CSAG1: variants seen among roughly 807,000 people sequenced by gnomAD.
CSAG1 encodes chondrosarcoma associated gene 1, also known as chondrosarcoma-associated gene 1 protein.
In CSAG1, 4 loss-of-function variants were observed where a neutral mutation model predicts 4.8. That is an observed-to-expected ratio of 0.83 (90% confidence interval 0.41 to 1.90). The LOEUF (loss-of-function observed/expected upper bound fraction) is 1.90. Among genes scored for constraint, CSAG1 ranks in the 40% most tolerant of loss-of-function variants. CSAG1 has a pLI of 0.03. For synonymous variants in CSAG1, 21 were observed against 23.1 expected (o/e 0.91, Z 0.26); for missense variants, 69 against 59.5 (o/e 1.16, Z -0.53).
chrX:152,729,238 C>A (rs1210573008), intron 2 of CSAG1, among the ~76,000 whole-genome samples: 2 of 111,449 alleles, frequency 1.8e-5, no homozygotes, highest in Non-Finnish European at 3.8e-5. Flanking sequence ...CATCATAGGT[C>A]TAATGAAAAA....
Position 152,727,820 on chromosome X carries a change from C to A in CSAG1, c.211G>T (p.Val71Phe), listed in dbSNP as rs2124962377. Residue 71 changes from valine (V) to phenylalanine (F), a missense_variant, in exon 4 of 4, where the codon GTT (valine) becomes TTT (phenylalanine). Coordinates refer to ENST00000452779, the MANE Select transcript of CSAG1 (RefSeq NM_001102576.3). ...TAGGGAGAGCCTTTTGTTCCTGGAA[C>A]TTCCTTGACGGGTCCCTTTTCCCTT... ...PRREKGPVKE[V>F]PGTKGSP 1.7e-6 allele frequency: 2 copies of A among 1,211,319 alleles called. No homozygotes were observed. Among genetic ancestry groups the A allele is most frequent in the South Asian group, 3.5e-5 (2 of 56,935 alleles).
chrX:152,730,654 C>A (rs2019454891), intron 2 of CSAG1, among the ~76,000 whole-genome samples: 1 of 111,408 alleles, frequency 9.0e-6, no homozygotes, highest in African/African-American at 3.3e-5. Flanking sequence ...TGTTTATAAG[C>A]CACCTAGTCT....
intron 2 of CSAG1, 35 bp from the exon 3 acceptor site, chrX:152,728,259 G>C (rs1932067457): frequency 8.5e-7 from 1 of 1,181,359 alleles, no homozygotes; most frequent in African/African-American, 1.8e-5. Context: ...TGTTAGTCTT[G>C]TGGTAGAATT....
At chrX:152,729,885 T>G (rs1224436955) in intron 2 of CSAG1, among the ~76,000 whole-genome samples, 1 of 108,865 alleles carries the variant, frequency 9.2e-6, no homozygotes, top group Non-Finnish European at 1.9e-5. Flanking sequence ...CCAATTGATT[T>G]GAAAACTTAT....
intron 1 of CSAG1, 79 bp from the exon 2 acceptor site, chrX:152,732,583 C>T (rs1419097705): frequency 2.7e-6 from 3 of 1,109,491 alleles, no homozygotes; most frequent in Non-Finnish European, 3.7e-6. Flanking sequence ...CAGGGCCAGT[C>T]CAGGGTGAGA....
chrX:152,728,821 A>C (rs1393073342), intron 2 of CSAG1, among the ~76,000 whole-genome samples: 2 of 110,935 alleles, frequency 1.8e-5, no homozygotes, highest in African/African-American at 6.6e-5. Flanking sequence ...CGCGAGAGAG[A>C]CAGCGAGCTC....
At position 152,728,238 on chromosome X, in the gene CSAG1, C is replaced by T. The variant is rs1556830842; in HGVS notation, c.17-14G>A. ...CAGGCCAGCAGGCTAGAAACTCACA[C>T]GACATTATTATGTTAGTCTTGTGGT... is the stretch of plus-strand genomic sequence containing the variant. On this transcript the variant is annotated splice_polypyrimidine_tract_variant and intron_variant, in intron 2 of 3. Coordinates refer to ENST00000452779, the MANE Select transcript of CSAG1 (RefSeq NM_001102576.3). 1.2e-5 allele frequency: 14 copies of T among 1,196,648 alleles called. No individual in the cohort carries two copies. The highest frequency in any genetic ancestry group is 5.3e-5 in the South Asian group (3 of 56,558).
Position 152,728,054 on chromosome X carries a change from G to A in CSAG1, c.167+20C>T. On this transcript the variant is annotated intron_variant, in intron 3 of 3. Coordinates refer to ENST00000452779, the MANE Select transcript of CSAG1 (RefSeq NM_001102576.3). ...AGGGCTTCTGGGCCAGGGATGAGAG[G>A]ATGCTTTCCCCTTCCTCGCCTCTTT... The A allele has an allele frequency of 8.3e-7, 1 of 1,211,234 alleles. No homozygotes were observed. The highest frequency in any genetic ancestry group is 1.1e-6 in the Non-Finnish European group (1 of 895,326).
intron 2 of CSAG1, among the ~76,000 whole-genome samples, chrX:152,729,484 T>C (rs1932106126): frequency 2.7e-5 from 3 of 112,210 alleles, no homozygotes; most frequent in Non-Finnish European, 3.8e-5. Context: ...ATAAAGAACT[T>C]GTCTCTACAA....
intron 2 of CSAG1, among the ~76,000 whole-genome samples, chrX:152,731,192 G>A (rs190146027): frequency 9.0e-6 from 1 of 111,423 alleles, no homozygotes; most frequent in African/African-American, 3.3e-5. Flanking sequence ...GTTCATGCTC[G>A]GTATCAAGTA....
intron 1 of CSAG1, 138 bp downstream of exon 1, chrX:152,733,530 C>G (rs1212379299): frequency 9.1e-6 from 1 of 110,392 alleles, no homozygotes; most frequent in African/African-American, 3.3e-5. Context: ...CAGGCTCAGC[C>G]TGGCATCCAA....
chrX:152,727,965 G>T, intron 3 of CSAG1, 102 bp from the exon 4 acceptor site: 1 of 1,199,802 alleles, frequency 8.3e-7, no homozygotes, highest in Non-Finnish European at 1.1e-6. Context: ...ACAGGCTGGG[G>T]TGGGGGTTGT....
intron 1 of CSAG1, 84 bp downstream of exon 1, chrX:152,733,583 AC>A (rs1411573777): frequency 3.0e-5 from 2 of 67,496 alleles, no homozygotes; most frequent in Non-Finnish European, 5.6e-5. Context: ...CCCACCCCCA[AC>A]TCCCCCAACC....
chrX:152,730,011 C>CATATATATATATATATACAT (rs60344977), intron 2 of CSAG1, among the ~76,000 whole-genome samples: 22 of 77,890 alleles, frequency 2.8e-4, no homozygotes, highest in African/African-American at 1.1e-3. Flanking sequence ...TATATATATA[C>CATATATATATATATATACAT]ACACATACAC....
chrX:152,729,027 G>A (rs1486229574), intron 2 of CSAG1, among the ~76,000 whole-genome samples: 1 of 109,794 alleles, frequency 9.1e-6, no homozygotes, highest in Non-Finnish European at 1.9e-5. Context: ...CATTAGCAAA[G>A]AATAGACACA....
chrX:152,733,317 A>G, intron 1 of CSAG1: 1 of 111,974 alleles, frequency 8.9e-6, no homozygotes, highest in African/African-American at 3.2e-5. Flanking sequence ...GAGGAAGAGG[A>G]CCCTCTTGAG....
At chrX:152,731,564 C>G (rs1932155626) in intron 2 of CSAG1, among the ~76,000 whole-genome samples, 1 of 111,406 alleles carries the variant, frequency 9.0e-6, no homozygotes, top group Non-Finnish European at 1.9e-5. Flanking sequence ...CAGACTAGCC[C>G]TCCTGGATTC....
Position 152,728,203 on chromosome X carries a change from A to G in CSAG1, c.38T>C (p.Val13Ala). The change falls in exon 3 of 4, where the codon GTC (valine) becomes GCC (alanine). Residue 13 changes from valine (V) to alanine (A), a missense_variant. Val to Ala is a moderately conservative substitution (Grantham distance 64, BLOSUM62 0). Coordinates refer to ENST00000452779, the MANE Select transcript of CSAG1 (RefSeq NM_001102576.3). The part of the protein sequence containing the change: ...ATTACWPAFT[V>A]LGEARGDQVD... Reference sequence around the variant, plus strand: ...CTGGTCTCCCCGAGCTTCCCCCAGGACAGTGAAGGCAGGCCAGCAGGCTAG... The same window carrying G: ...CTGGTCTCCCCGAGCTTCCCCCAGGGCAGTGAAGGCAGGCCAGCAGGCTAG... 1 of 1,211,194 alleles carries G rather than the reference A, an allele frequency of 8.3e-7. No individual in the cohort carries two copies. The highest frequency in any genetic ancestry group is 1.1e-6 in the Non-Finnish European group (1 of 894,814).
chrX:152,732,362 G>C, intron 2 of CSAG1, 83 bp downstream of exon 2: 1 of 1,116,680 alleles, frequency 9.0e-7, no homozygotes, highest in Non-Finnish European at 1.2e-6. Flanking sequence ...ATACATAGAG[G>C]AGTATAACAT....
Sources: gnomAD v4.1 joint callset for allele counts (sites outside exome capture counted in the v4.1 genomes callset) on GRCh38, gnomAD v4.1.1 for gene constraint, MANE v1.5 for transcripts, NCBI Gene and HGNC (gene_info 2026-07-23, HGNC 2026-07-21) for gene names.